GRID2: variants seen among roughly 807,000 people sequenced by gnomAD.
GRID2 encodes the protein glutamate receptor ionotropic, delta-2.
In GRID2, 33 loss-of-function variants were observed where a neutral mutation model predicts 114.8. That is an observed-to-expected ratio of 0.29 (90% CI 0.22 to 0.38). The LOEUF (loss-of-function observed/expected upper bound fraction) is 0.38, where lower values mean the gene tolerates loss of function less well. GRID2 is among the 10% of genes least tolerant of loss of function. The pLI is 1.00. For missense variants in GRID2, 1,184 were observed against 1,257.7 expected, an observed-to-expected ratio of 0.94 and a Z score of 0.89; for synonymous variants, 505 against 449.9, an observed-to-expected ratio of 1.12 and a Z score of -1.55.
At position 93,125,037 on chromosome 4, in the gene GRID2, T is replaced by C. The variant is rs892983862; in HGVS notation, c.735+14084T>C. ...TGTTAGAAATACTTTAGTCTGGGTT[T>C]TTTTGTTTTGTTTTGTTTTTTGAGG... is the stretch of plus-strand genomic sequence containing the variant. On this transcript the variant is annotated intron_variant, in intron 4 of 15. Transcript: ENST00000282020. Among the ~76,000 whole-genome samples the C allele has an allele frequency of 5.3e-5, 8 of 152,082 alleles. No individual in the cohort carries two copies. The East Asian group carries it at 1.5e-3, about 29-fold the overall frequency.
chr4:93,752,229 G>A (rs1344556762), intron 14 of GRID2, among the ~76,000 whole-genome samples: 1 of 152,020 alleles, frequency 6.6e-6, no homozygotes, highest in Non-Finnish European at 1.5e-5. Flanking sequence ...TACAATTTAA[G>A]ATAAATATTC....
chr4:93,759,903 A>T (rs948988051), intron 14 of GRID2, among the ~76,000 whole-genome samples: 3 of 152,186 alleles, frequency 2.0e-5, no homozygotes, highest in African/African-American at 7.2e-5. Context: ...ATTTATACAG[A>T]TTTTCTTTAG....
intron 2 of GRID2, among the ~76,000 whole-genome samples, chr4:92,733,792 G>C (rs920968221): frequency 6.6e-6 from 1 of 151,996 alleles, no homozygotes; most frequent in African/African-American, 2.4e-5. Context: ...CTTTAAAACT[G>C]GTGTGATTAC....
intron 4 of GRID2, among the ~76,000 whole-genome samples, chr4:93,184,850 C>G (rs1740252969): frequency 1.3e-5 from 2 of 152,106 alleles, no homozygotes; most frequent in South Asian, 2.1e-4. Flanking sequence ...CCTCTGCACT[C>G]CAGCCTGGGC....
chr4:93,519,331 C>T (rs1003053213), intron 13 of GRID2, among the ~76,000 whole-genome samples: 2 of 152,160 alleles, frequency 1.3e-5, no homozygotes, highest in Non-Finnish European at 2.9e-5. Context: ...GACTCAGCAA[C>T]ATTCTGAAAT....
At chr4:92,744,250 G>A (rs1737036051) in intron 2 of GRID2, among the ~76,000 whole-genome samples, 1 of 152,022 alleles carries the variant, frequency 6.6e-6, no homozygotes, top group African/African-American at 2.4e-5. Context: ...TCCACTTTGG[G>A]AGGCCAAGGT....
intron 11 of GRID2, among the ~76,000 whole-genome samples, chr4:93,468,227 A>C (rs1269095006): frequency 1.3e-5 from 2 of 152,166 alleles, no homozygotes; most frequent in Non-Finnish European, 2.9e-5. Context: ...TAAATTAAAG[A>C]TCATTCAACA....
rs577954246 is a variant in GRID2, at chr4:93,455,610, T to C, written c.1546-52T>C. 5 of 1,261,382 alleles carry C rather than the reference T, an allele frequency of 4.0e-6. No homozygotes were observed. In the African/African-American group the frequency reaches 7.4e-5, roughly 19 times the overall value. The allele number at this position is 1,261,382 out of a possible 1,614,324, so 78.1% of individuals were successfully genotyped here. ...TCGAGGCAAGCTGAAGTGGCACAAATGAAATTGTTTTTCACACTGTTAATG... is the reference window on the plus strand; with the variant it reads ...TCGAGGCAAGCTGAAGTGGCACAAACGAAATTGTTTTTCACACTGTTAATG... On this transcript the variant is annotated intron_variant, in intron 10 of 15. Coordinates refer to ENST00000282020, the MANE Select transcript of GRID2 (RefSeq NM_001510.4).
intron 2 of GRID2, among the ~76,000 whole-genome samples, chr4:92,681,301 A>G (rs1428053950): frequency 6.6e-6 from 1 of 152,080 alleles, no homozygotes; most frequent in African/African-American, 2.4e-5. Flanking sequence ...AATTGATGAA[A>G]CTGTTCTTTA....
At chr4:93,735,506 A>G (rs1457516871) in intron 14 of GRID2, among the ~76,000 whole-genome samples, 5 of 151,998 alleles carry the variant, frequency 3.3e-5, no homozygotes, top group Non-Finnish European at 7.4e-5. Context: ...CTAAGCCTCC[A>G]TATTATATAG....
At chr4:93,663,265 C>T (rs1209274486) in intron 14 of GRID2, among the ~76,000 whole-genome samples, 3 of 152,198 alleles carry the variant, frequency 2.0e-5, no homozygotes. Flanking sequence ...ATAGTGCCTA[C>T]AGCCTCCCTT....
At chr4:93,031,298 C>T (rs1724411731) in intron 2 of GRID2, among the ~76,000 whole-genome samples, 1 of 152,108 alleles carries the variant, frequency 6.6e-6, no homozygotes, top group Non-Finnish European at 1.5e-5. Context: ...CCTGCCTCGG[C>T]CTCCCAAAGT....
chr4:92,621,395 A>C (rs972668679), intron 2 of GRID2, among the ~76,000 whole-genome samples: 1 of 151,764 alleles, frequency 6.6e-6, no homozygotes, highest in African/African-American at 2.4e-5. Flanking sequence ...TGTGGGAAAA[A>C]AAGTTTAAAA....
chr4:93,171,570 T>C (rs1738822781), intron 4 of GRID2, among the ~76,000 whole-genome samples: 1 of 152,202 alleles, frequency 6.6e-6, no homozygotes, highest in Admixed American at 6.5e-5. Context: ...TTTTTGTCAA[T>C]TGTGTCCTAA....
At chr4:93,075,883 C>CTCTCT (rs1490779668) in intron 2 of GRID2, among the ~76,000 whole-genome samples, 2 of 76,606 alleles carry the variant, frequency 2.6e-5, no homozygotes, top group African/African-American at 1.1e-4. Flanking sequence ...AGTTACCTCT[C>CTCTCT]TTTTTTTTTT....
In GRID2 at chr4:93,497,543, G is replaced by A. The variant is rs942706807; in HGVS notation, c.1997+6766G>A. Among the ~76,000 whole-genome samples, 4 of 151,636 alleles carry A rather than the reference G, an allele frequency of 2.6e-5. 1 individual carries two copies. Among genetic ancestry groups the A allele is most frequent in the East Asian group, 3.9e-4 (2 of 5,146 alleles). On this transcript the variant is annotated intron_variant, in intron 12 of 15. Transcript: ENST00000282020. The stretch of plus-strand genomic sequence containing the variant: ...ATTTTGAGTTAATTTTGTATAAAGT[G>A]CAACGTTTAGGTTCAATTTTTCACT...
At chr4:93,294,538 TA>T (rs1754087773) in intron 8 of GRID2, among the ~76,000 whole-genome samples, 4 of 151,930 alleles carry the variant, frequency 2.6e-5, no homozygotes, top group Admixed American at 6.5e-5. Flanking sequence ...ATAAGTAAAA[TA>T]TTATGGCACT....
intron 4 of GRID2, among the ~76,000 whole-genome samples, chr4:93,174,171 T>C (rs1739120476): frequency 6.6e-6 from 1 of 152,166 alleles, no homozygotes; most frequent in South Asian, 2.1e-4. Context: ...CAATGCAGTG[T>C]TATTGTATGT....
At chr4:92,719,242 C>G (rs897167920) in intron 2 of GRID2, among the ~76,000 whole-genome samples, 2 of 152,118 alleles carry the variant, frequency 1.3e-5, no homozygotes, top group African/African-American at 2.4e-5. Flanking sequence ...TCGCCTCAGT[C>G]TCCCAAAGTG....
Sources: allele counts gnomAD v4.1 joint callset (sites outside exome capture counted in the v4.1 genomes callset), GRCh38; gene constraint gnomAD v4.1.1; transcripts MANE v1.5; gene names NCBI Gene and HGNC (gene_info 2026-07-23, HGNC 2026-07-21).